NTM: variants seen among roughly 807,000 people sequenced by gnomAD.
NTM encodes the protein neurotrimin.
In NTM, 13 loss-of-function variants were observed where a neutral mutation model predicts 42.1. The ratio of observed to expected loss-of-function variants is 0.31; its 90% CI spans 0.20 to 0.49. The LOEUF (loss-of-function observed/expected upper bound fraction) is 0.49. Ranked by LOEUF, NTM falls within the 20% of genes least tolerant of loss-of-function variation. The probability of loss-of-function intolerance (pLI) is 0.99; values close to 1 mark genes in which losing one functional copy is unlikely to be tolerated. For synonymous variants in NTM, 187 were observed against 179.2 expected (o/e 1.04, Z -0.35); for missense variants, 373 against 452.8 (o/e 0.82, Z 1.60).
chr11:132,289,344 G>T (rs926564428), intron 4 of NTM, among the ~76,000 whole-genome samples: 12 of 152,208 alleles, frequency 7.9e-5, no homozygotes, highest in Non-Finnish European at 4.4e-5. Context: ...CTGGGTGGTG[G>T]TTTACACAAG....
intron 1 of NTM, among the ~76,000 whole-genome samples, chr11:131,753,075 G>A (rs1458708175): frequency 6.6e-6 from 1 of 151,920 alleles, no homozygotes; most frequent in Non-Finnish European, 1.5e-5. Flanking sequence ...CAAAAAGTGG[G>A]CAAAGGACAT....
chr11:131,466,590 T>A (rs148064117), intron 1 of NTM, among the ~76,000 whole-genome samples: 1 of 152,328 alleles, frequency 6.6e-6, no homozygotes, highest in Non-Finnish European at 1.5e-5. Flanking sequence ...ATCATTCTGC[T>A]AATCTCTCTC....
chr11:131,427,706 C>T (rs746397322), intron 1 of NTM, among the ~76,000 whole-genome samples: 1 of 152,218 alleles, frequency 6.6e-6, no homozygotes, highest in African/African-American at 2.4e-5. Flanking sequence ...TGCAAATCAA[C>T]TTCCATCAGG....
rs117804916 is a variant in NTM at position 131,407,973 on chromosome 11, C to T, written c.82+37085C>T. On this transcript the variant is annotated intron_variant, in intron 1 of 8. Transcript: ENST00000683400. ...GATGGTACTTATTCACTGGTTACTC[C>T]GAAAGTAGCGCGGCCCCCAGCCAGG... 5.3e-3 allele frequency among the ~76,000 whole-genome samples: 804 copies of T among 152,294 alleles called. 4 individuals are homozygous for T. Among genetic ancestry groups the T allele is most frequent in the Non-Finnish European group, 7.5e-3 (510 of 68,020 alleles).
intron 2 of NTM, among the ~76,000 whole-genome samples, chr11:131,962,789 C>T (rs1198078954): frequency 6.6e-6 from 1 of 152,118 alleles, no homozygotes; most frequent in Non-Finnish European, 1.5e-5. Context: ...CTCAGGTTGC[C>T]ACCCCATTTT....
chr11:131,983,869 C>G (rs1332613032), intron 2 of NTM, among the ~76,000 whole-genome samples: 2 of 152,134 alleles, frequency 1.3e-5, no homozygotes, highest in African/African-American at 4.8e-5. Flanking sequence ...GTCCAAAGTT[C>G]CCTGAGCATT....
At chr11:131,833,666 G>C (rs1279207944) in intron 1 of NTM, among the ~76,000 whole-genome samples, 1 of 152,122 alleles carries the variant, frequency 6.6e-6, no homozygotes, top group Non-Finnish European at 1.5e-5. Context: ...AGTGGTCCTT[G>C]GTTGGTTCTC....
chr11:131,415,788 A>G (rs1364083293), intron 1 of NTM, among the ~76,000 whole-genome samples: 2 of 152,236 alleles, frequency 1.3e-5, no homozygotes, highest in Non-Finnish European at 2.9e-5. Flanking sequence ...CTAAACCACG[A>G]TGACTCTTGA....
rs1272455719 is a variant in NTM, at chr11:132,046,874, T to C, written c.168-99408T>C. ...CTACCATATATCTATCATCTATTTATAAATCATCAATCTATCTGTTATCTA... is the reference window on the plus strand; with the variant it reads ...CTACCATATATCTATCATCTATTTACAAATCATCAATCTATCTGTTATCTA... On this transcript the variant is annotated intron_variant, in intron 2 of 8. Coordinates refer to ENST00000683400, the MANE Select transcript of NTM (RefSeq NM_001352005.2). Among the ~76,000 whole-genome samples the C allele has an allele frequency of 2.6e-5, 4 of 152,250 alleles. No individual in the cohort carries two copies. In the East Asian group the frequency reaches 7.7e-4, roughly 29 times the overall value.
At chr11:132,070,011 CAAGT>C (rs1279498144) in intron 2 of NTM, among the ~76,000 whole-genome samples, 14 of 134,472 alleles carry the variant, frequency 1.0e-4, no homozygotes, top group Admixed American at 2.2e-4. Context: ...GTCACACAGC[CAAGT>C]AAGTTAACAC....
At chr11:131,628,129 G>A (rs538079947) in intron 1 of NTM, among the ~76,000 whole-genome samples, 2 of 152,138 alleles carry the variant, frequency 1.3e-5, no homozygotes, top group East Asian at 1.9e-4. Flanking sequence ...GAGGACCCAC[G>A]AAGCCACTAA....
chr11:131,499,534 C>T (rs201403524), intron 1 of NTM, among the ~76,000 whole-genome samples: 13 of 152,336 alleles, frequency 8.5e-5, no homozygotes, highest in East Asian at 1.9e-4. Flanking sequence ...CACACCATGA[C>T]GAAGGTGCTT....
chr11:132,288,944 GT>G (rs1408979847), intron 4 of NTM, among the ~76,000 whole-genome samples: 1 of 152,068 alleles, frequency 6.6e-6, no homozygotes, highest in Admixed American at 6.5e-5. Flanking sequence ...TTATCTTTAA[GT>G]TTACTGACTT....
chr11:131,447,755 G>C (rs1950172624), intron 1 of NTM, among the ~76,000 whole-genome samples: 1 of 152,174 alleles, frequency 6.6e-6, no homozygotes, highest in Non-Finnish European at 1.5e-5. Flanking sequence ...TGGATGAGTT[G>C]GGGGAAGGGA....
intron 2 of NTM, among the ~76,000 whole-genome samples, chr11:132,070,481 C>A (rs529008164): frequency 8.3e-6 from 1 of 119,822 alleles, no homozygotes; most frequent in Non-Finnish European, 1.8e-5. Context: ...CAAGTTAACA[C>A]GTCAAACTGA....
intron 1 of NTM, among the ~76,000 whole-genome samples, chr11:131,378,024 G>A (rs992988196): frequency 4.6e-5 from 7 of 152,194 alleles, no homozygotes; most frequent in African/African-American, 1.4e-4. Flanking sequence ...GCAATACTCT[G>A]TCTGAAAGCC....
rs575201127 is a variant in NTM, at chr11:131,370,982, G to A, written c.82+94G>A. On this transcript the variant is annotated intron_variant, in intron 1 of 8. Coordinates refer to ENST00000683400, the MANE Select transcript of NTM (RefSeq NM_001352005.2). ...AGACTCCCCGAGTCGGCTGTGCTGC[G>A]CTGTTTGCAGGTGGAGGAGAGAGCG... The A allele has an allele frequency of 2.5e-5, 39 of 1,572,030 alleles. No individual in the cohort carries two copies. The South Asian group carries it at 4.3e-4, about 17-fold the overall frequency.
chr11:131,778,565 C>T (rs1320209150), intron 1 of NTM, among the ~76,000 whole-genome samples: 2 of 152,096 alleles, frequency 1.3e-5, no homozygotes, highest in African/African-American at 2.4e-5. Context: ...TCTGCTTCTA[C>T]CACAAATTAC....
chr11:132,172,177 C>T (rs1345577878), intron 3 of NTM, among the ~76,000 whole-genome samples: 2 of 152,170 alleles, frequency 1.3e-5, no homozygotes, highest in Non-Finnish European at 1.5e-5. Flanking sequence ...TTGAGATGAA[C>T]ATAGAGATCA....
Sources: gnomAD v4.1 joint callset for allele counts (sites outside exome capture counted in the v4.1 genomes callset) on GRCh38, gnomAD v4.1.1 for gene constraint, MANE v1.5 for transcripts, NCBI Gene and HGNC (gene_info 2026-07-23, HGNC 2026-07-21) for gene names.